Variants in PCDHA11 observed in about 807,000 individuals in gnomAD.
PCDHA11 encodes the protein protocadherin alpha 11, also known as protocadherin alpha-11.
In PCDHA11, 61 loss-of-function variants were observed where a neutral mutation model predicts 70.3. That is an observed-to-expected ratio of 0.87 (90% CI 0.71 to 1.07). PCDHA11 has a LOEUF of 1.07. Among genes scored for constraint, PCDHA11 ranks in the 50% least tolerant of loss-of-function variants. The pLI is 0.00. For missense variants in PCDHA11, 1,324 were observed against 1,237.5 expected, an observed-to-expected ratio of 1.07 and a Z score of -1.05; for synonymous variants, 633 against 555.1, an observed-to-expected ratio of 1.14 and a Z score of -1.97.
chr5:140,900,015 A>C (rs2067686381), intron 1 of PCDHA11, among the ~76,000 whole-genome samples: 1 of 151,940 alleles, frequency 6.6e-6, no homozygotes, highest in African/African-American at 2.4e-5. Context: ...TCACTTTGTT[A>C]CCCAGTTTGG....
At chr5:140,940,497 C>T (rs1314378548) in intron 1 of PCDHA11, among the ~76,000 whole-genome samples, 1 of 151,818 alleles carries the variant, frequency 6.6e-6, no homozygotes, top group Non-Finnish European at 1.5e-5. Context: ...AAGTCTTGCT[C>T]CGTCGCTCAG....
chr5:140,957,763 T>C (rs1375605810), intron 1 of PCDHA11, among the ~76,000 whole-genome samples: 1 of 152,100 alleles, frequency 6.6e-6, no homozygotes, highest in Non-Finnish European at 1.5e-5. Context: ...TCATTATATA[T>C]GTTAAGTAAA....
Position 140,968,978 on chromosome 5 carries a change from G to T in PCDHA11, c.2392-9971G>T, listed in dbSNP as rs782147151. ...CAAGTGCTACCGCTACACTGCGTATGGCACTGCATGCTGTGGAGGCTTCTG... is the reference window on the plus strand; with the variant it reads ...CAAGTGCTACCGCTACACTGCGTATTGCACTGCATGCTGTGGAGGCTTCTG... On this transcript the variant is annotated intron_variant, in intron 1 of 3. Coordinates refer to ENST00000398640, the MANE Select transcript of PCDHA11 (RefSeq NM_018902.5). The T allele has an allele frequency of 8.7e-6, 14 of 1,614,212 alleles. No homozygotes were observed. Among genetic ancestry groups the T allele is most frequent in the Non-Finnish European group, 1.2e-5 (14 of 1,180,042 alleles).
intron 1 of PCDHA11, chr5:140,883,517 A>G: frequency 6.2e-7 from 1 of 1,614,162 alleles, no homozygotes; most frequent in Non-Finnish European, 8.5e-7. Context: ...GGACCGCGAG[A>G]GCGTATCAGC....
At chr5:140,996,123 G>A (rs1554255007) in intron 3 of PCDHA11, among the ~76,000 whole-genome samples, 2 of 152,238 alleles carry the variant, frequency 1.3e-5, no homozygotes, top group African/African-American at 2.4e-5. Flanking sequence ...GCAGGGTGGT[G>A]TAGAGGGTTC....
Position 140,869,732 on chromosome 5 carries a change from T to C in PCDHA11, c.629T>C (p.Leu210Ser), listed in dbSNP as rs782783003. Residue 210 changes from leucine to serine, a missense_variant, in exon 1 of 4, where the codon TTG becomes TCG. Physicochemically the swap from Leu to Ser is moderately radical, Grantham distance 145. Coordinates refer to ENST00000398640, the MANE Select transcript of PCDHA11 (RefSeq NM_018902.5). The part of the protein sequence containing the change: ...LDREKTPELN[L>S]LLTATDGGKP... Reference sequence around the variant, plus strand: ...AGAGAGAAAACTCCGGAACTTAATTTGCTGCTAACAGCTACAGACGGGGGA... The same window carrying C: ...AGAGAGAAAACTCCGGAACTTAATTCGCTGCTAACAGCTACAGACGGGGGA... The C allele has an allele frequency of 1.2e-6, 2 of 1,613,412 alleles. No homozygotes were observed. The highest frequency in any genetic ancestry group is 1.7e-6 in the Non-Finnish European group (2 of 1,179,846).
At position 140,877,198 on chromosome 5, in the gene PCDHA11, G is replaced by A. The variant is rs781787046; in HGVS notation, c.2391+5704G>A. On this transcript the variant is annotated intron_variant, in intron 1 of 3. Transcript: ENST00000398640. Reference sequence around the variant, plus strand: ...GACTCCGGCTGGCAGCGCAGGAGGCGCAGTTAGCGAGTTGGTACCGCGGTC... The same window carrying A: ...GACTCCGGCTGGCAGCGCAGGAGGCACAGTTAGCGAGTTGGTACCGCGGTC... The A allele has an allele frequency of 1.5e-5, 24 of 1,613,830 alleles. No individual in the cohort carries two copies. The highest frequency in any genetic ancestry group is 7.7e-5 in the South Asian group (7 of 91,064).
chr5:140,926,705 G>A (rs1269250825), intron 1 of PCDHA11: 2 of 849,690 alleles, frequency 2.4e-6, no homozygotes, highest in Non-Finnish European at 3.3e-6. Context: ...GCTCCCAGCT[G>A]GCCAGCCCCG....
At chr5:140,995,510 G>A (rs1554254709) in intron 3 of PCDHA11, among the ~76,000 whole-genome samples, 1 of 152,142 alleles carries the variant, frequency 6.6e-6, no homozygotes, top group African/African-American at 2.4e-5. Flanking sequence ...GTGGGTAACT[G>A]AAGCCTCAGA....
Position 141,002,363 on chromosome 5 carries a change from A to G in PCDHA11, c.2540-7264A>G, listed in dbSNP as rs75749580. On this transcript the variant is annotated intron_variant, in intron 3 of 3. Transcript: ENST00000398640. ...CCTTCCCCCACCTCCACTCCTTTCAACTCATTCTGGCTTAGGGCTCCTGCT... is the reference window on the plus strand; with the variant it reads ...CCTTCCCCCACCTCCACTCCTTTCAGCTCATTCTGGCTTAGGGCTCCTGCT... Among the ~76,000 whole-genome samples, 567 of 152,272 alleles carry G rather than the reference A, an allele frequency of 3.7e-3. 5 individuals are homozygous for G. Among genetic ancestry groups the G allele is most frequent in the African/African-American group, 0.013 (537 of 41,558 alleles).
chr5:140,968,782 C>G, intron 1 of PCDHA11: 1 of 1,614,192 alleles, frequency 6.2e-7, no homozygotes, highest in South Asian at 1.1e-5. Flanking sequence ...CACTATCAGC[C>G]TCTGTGGCCA....
intron 1 of PCDHA11, among the ~76,000 whole-genome samples, chr5:140,911,457 A>G (rs1225259689): frequency 6.6e-6 from 1 of 152,144 alleles, no homozygotes; most frequent in Non-Finnish European, 1.5e-5. Flanking sequence ...CTCTTTCTCT[A>G]CAGGAGATAA....
Position 140,869,430 on chromosome 5 carries a change from C to A in PCDHA11, c.327C>A (p.Ile109=), listed in dbSNP as rs73793507. The change falls in exon 1 of 4, where the codon ATC becomes ATA. Residue 109 remains isoleucine, a synonymous_variant. Transcript: ENST00000398640. ...SAECSIHLEV[I]VDRPLQVFHV... is the part of the protein sequence containing the mutation. ...AGTGCAGCATCCACCTGGAGGTGATCGTGGACAGGCCGCTGCAGGTTTTCC... is the reference window on the plus strand; with the variant it reads ...AGTGCAGCATCCACCTGGAGGTGATAGTGGACAGGCCGCTGCAGGTTTTCC... 7.1e-4 allele frequency: 1,143 copies of A among 1,614,154 alleles called. 9 individuals are homozygous for A. In the African/African-American group the frequency reaches 0.013, roughly 18 times the overall value.
At chr5:140,936,240 CAT>C (rs1282249217) in intron 1 of PCDHA11, among the ~76,000 whole-genome samples, 3 of 152,152 alleles carry the variant, frequency 2.0e-5, no homozygotes, top group Non-Finnish European at 4.4e-5. Flanking sequence ...TTAAAGAAAA[CAT>C]ATCCTGCTTC....
chr5:141,010,612 A>C lies in PCDHA11; in HGVS notation c.*675A>C. Reference sequence around the variant, plus strand: ...GTTGGCTGTGACGTCATTATACCTAAAATCTGCATCATACCTGCAAGCCAA... The same window carrying C: ...GTTGGCTGTGACGTCATTATACCTACAATCTGCATCATACCTGCAAGCCAA... On this transcript the variant is annotated 3_prime_UTR_variant, in exon 4 of 4. Transcript: ENST00000398640. 1 of 196,976 alleles carries C rather than the reference A, an allele frequency of 5.1e-6. No individual in the cohort carries two copies. The highest frequency in any genetic ancestry group is 1.0e-5 in the Non-Finnish European group (1 of 95,484). 12.2% of individuals were successfully genotyped at this position (196,976 alleles called of 1,614,324 possible). A position where few individuals can be genotyped will look rare whatever the true frequency, so the allele number is the denominator to read the frequency against.
In PCDHA11 at chr5:140,871,676, A is replaced by G. The variant is rs141392186; in HGVS notation, c.2391+182A>G. ...TACACATCTTCAGTCTTTTAATCAT[A>G]TGAATAATCTGGCTTCTTTAACCAA... On this transcript the variant is annotated intron_variant, in intron 1 of 3. Coordinates refer to ENST00000398640, the MANE Select transcript of PCDHA11 (RefSeq NM_018902.5). 511 of 1,133,248 alleles carry G rather than the reference A, an allele frequency of 4.5e-4. 2 individuals carry two copies. The African/African-American group carries it at 7.0e-3, about 16-fold the overall frequency. The allele number at this position is 1,133,248 out of a possible 1,614,324, so 70.2% of individuals were successfully genotyped here.
At chr5:140,928,856 T>G (rs540865490) in intron 1 of PCDHA11, 1 of 1,614,218 alleles carries the variant, frequency 6.2e-7, no homozygotes, top group African/African-American at 1.3e-5. Context: ...CTGGGTGTGC[T>G]GTTGAGCAAC....
chr5:140,944,807 A>T (rs1472832230), intron 1 of PCDHA11, among the ~76,000 whole-genome samples: 1 of 152,214 alleles, frequency 6.6e-6, no homozygotes, highest in Non-Finnish European at 1.5e-5. Context: ...TCGAGGGTCC[A>T]CAGTGATCTT....
chr5:140,997,100 T>G (rs1286807919), intron 3 of PCDHA11, among the ~76,000 whole-genome samples: 1 of 152,170 alleles, frequency 6.6e-6, no homozygotes, highest in Non-Finnish European at 1.5e-5. Flanking sequence ...AGAGTTCTCA[T>G]GCACTCCTGC....
Sources: allele counts gnomAD v4.1 joint callset (sites outside exome capture counted in the v4.1 genomes callset), GRCh38; gene constraint gnomAD v4.1.1; transcripts MANE v1.5; gene names NCBI Gene and HGNC (gene_info 2026-07-23, HGNC 2026-07-21).